Variants in ERI1 observed in about 807,000 individuals in gnomAD.
ERI1 encodes the protein exoribonuclease 1.
Under a neutral mutation model 39.7 loss-of-function variants are expected in ERI1, and 39 were observed. That is an observed-to-expected ratio of 0.98 (90% CI 0.76 to 1.28). The LOEUF (loss-of-function observed/expected upper bound fraction) is 1.28. ERI1 is among the 50% of genes most tolerant of loss of function. ERI1 has a pLI of 0.00. For synonymous variants in ERI1, 204 were observed against 149.6 expected, an observed-to-expected ratio of 1.36 and a Z score of -2.65; for missense variants, 581 against 416.9, an observed-to-expected ratio of 1.39 and a Z score of -3.43.
chr8:9,045,750 C>T (rs893468092), intron 3 of ERI1, among the ~76,000 whole-genome samples: 2 of 149,968 alleles, frequency 1.3e-5, no homozygotes, highest in Admixed American at 6.7e-5. Flanking sequence ...AATCTCGGCT[C>T]ACTGCGACCT....
chr8:9,029,635 T>C (rs1197836424), intron 6 of ERI1, among the ~76,000 whole-genome samples, 157 bp from the exon 7 acceptor site: 1 of 150,296 alleles, frequency 6.7e-6, no homozygotes, highest in Non-Finnish European at 1.5e-5. Context: ...CTGGCCTGAA[T>C]TTTTTATTTG....
intron 3 of ERI1, among the ~76,000 whole-genome samples, chr8:9,056,737 G>T (rs1434849295): frequency 6.6e-6 from 1 of 152,090 alleles, no homozygotes; most frequent in Non-Finnish European, 1.5e-5. Flanking sequence ...GTATTGATTT[G>T]ATAAATACTT....
chr8:9,027,932 A>G (rs374484605), intron 6 of ERI1, among the ~76,000 whole-genome samples: 1 of 152,214 alleles, frequency 6.6e-6, no homozygotes, highest in African/African-American at 2.4e-5. Flanking sequence ...CTACTTGGTC[A>G]TGGCACATAA....
chr8:9,037,187 A>C (rs1196812448), downstream of ERI1, among the ~76,000 whole-genome samples: 1 of 152,222 alleles, frequency 6.6e-6, no homozygotes, highest in African/African-American at 2.4e-5. Context: ...TTGGCATATA[A>C]GAACCTTCAC....
intron 3 of ERI1, among the ~76,000 whole-genome samples, chr8:9,098,245 C>T (rs1269929021): frequency 1.3e-5 from 2 of 151,944 alleles, no homozygotes; most frequent in South Asian, 2.1e-4. Flanking sequence ...ATTGGCCGAG[C>T]GCAGTGGCTC....
At chr8:9,025,693 CTTTT>C (rs35325273) in intron 6 of ERI1, among the ~76,000 whole-genome samples, 2 of 149,704 alleles carry the variant, frequency 1.3e-5, no homozygotes, top group African/African-American at 2.4e-5. Flanking sequence ...TCATTTTAAT[CTTTT>C]TTTTTTGTGT....
chr8:9,062,525 T>C (rs1360166540), intron 3 of ERI1: 1 of 146,574 alleles, frequency 6.8e-6, no homozygotes, highest in South Asian at 2.3e-4. Flanking sequence ...TGGCTGTCAA[T>C]ACTTACAACA....
chr8:9,018,298 A>G lies in ERI1; in HGVS notation c.584A>G (p.Asp195Gly), dbSNP rs765613666. 3.8e-6 allele frequency: 6 copies of G among 1,595,652 alleles called. No individual in the cohort carries two copies. The highest frequency in any genetic ancestry group is 1.1e-5 in the South Asian group (1 of 90,430). Residue 195 changes from aspartate (D) to glycine (G), a missense_variant and splice_region_variant, in exon 5 of 7, where the codon GAT (aspartate) becomes GGT (glycine). Transcript: ENST00000250263. ...TATATTTTACTTTTATATCCTCAGGATCAGGTAGACAGAGCTGATACCTTC... is the reference window on the plus strand; with the variant it reads ...TATATTTTACTTTTATATCCTCAGGGTCAGGTAGACAGAGCTGATACCTTC... ...FCISLTGITQDQVDRADTFPQ... is the reference protein window; with the variant it reads ...FCISLTGITQGQVDRADTFPQ...
chr8:9,074,840 C>G (rs920025729), intron 3 of ERI1, among the ~76,000 whole-genome samples: 3 of 152,232 alleles, frequency 2.0e-5, no homozygotes, highest in African/African-American at 7.2e-5. Flanking sequence ...AGCACATCGT[C>G]CTCTTAGGTT....
chr8:9,007,935 C>CTTTTTTTTTTTTT (rs556702690), intron 1 of ERI1, 35 bp from the exon 2 acceptor site: 1 of 844,334 alleles, frequency 1.2e-6, no homozygotes, highest in African/African-American at 3.1e-5. Flanking sequence ...AAACTACATC[C>CTTTTTTTTTTTTT]TTTTTTTTTT....
chr8:9,015,523 C>T (rs940172237), intron 3 of ERI1, among the ~76,000 whole-genome samples: 2 of 151,810 alleles, frequency 1.3e-5, no homozygotes, highest in Admixed American at 6.6e-5. Context: ...GAGATCGAGA[C>T]CATCCTGGCT....
downstream of ERI1, among the ~76,000 whole-genome samples, chr8:9,034,087 T>G (rs1797757294): frequency 6.6e-6 from 1 of 152,236 alleles, no homozygotes; most frequent in Non-Finnish European, 1.5e-5. Context: ...TGTCTTGAGT[T>G]TATAATGACA....
Position 9,016,952 on chromosome 8 carries a change from G to T in ERI1, c.582+547G>T, listed in dbSNP as rs555938660. 1.2e-4 allele frequency among the ~76,000 whole-genome samples: 18 copies of T among 152,284 alleles called. No homozygotes were observed. The South Asian group carries it at 3.3e-3, about 28-fold the overall frequency. ...CCCGCCTCGGCCTGCCAAAGTGCTG[G>T]GATTACAGACGTGAGCCACCATGCC... On this transcript the variant is annotated intron_variant, in intron 4 of 6. Coordinates refer to ENST00000250263, the MANE Select transcript of ERI1 (RefSeq NM_153332.4).
At chr8:9,088,646 C>G (rs1799608447) in intron 3 of ERI1, 1 of 152,188 alleles carries the variant, frequency 6.6e-6, no homozygotes, top group Admixed American at 6.5e-5. Context: ...GGAGCAATGC[C>G]CATTCAGCCA....
intron 3 of ERI1, among the ~76,000 whole-genome samples, chr8:9,089,229 C>T (rs1261863063): frequency 6.6e-6 from 1 of 152,194 alleles, no homozygotes; most frequent in East Asian, 1.9e-4. Flanking sequence ...ATGATTCTGG[C>T]ATATTCCAGA....
chr8:9,037,900 A>G (rs1024489002), downstream of ERI1, among the ~76,000 whole-genome samples: 3 of 147,168 alleles, frequency 2.0e-5, no homozygotes, highest in African/African-American at 8.1e-5. Flanking sequence ...TTAAAAAAAA[A>G]AAAAAAAAAT....
chr8:9,026,053 A>G (rs1215347717), intron 6 of ERI1, among the ~76,000 whole-genome samples: 2 of 152,168 alleles, frequency 1.3e-5, no homozygotes, highest in African/African-American at 4.8e-5. Flanking sequence ...GATGCTACCA[A>G]TAAGCAATAG....
chr8:9,067,382 ATGTGTGTGTGTG>A (rs10551937), intron 3 of ERI1, among the ~76,000 whole-genome samples: 20 of 143,900 alleles, frequency 1.4e-4, no homozygotes, highest in Non-Finnish European at 2.7e-4. Flanking sequence ...ACCTGTGTGC[ATGTGTGTGTGTG>A]TGTGTGTGTG....
chr8:9,007,268 T>G (rs1311031471), intron 1 of ERI1, among the ~76,000 whole-genome samples: 1 of 152,220 alleles, frequency 6.6e-6, no homozygotes, highest in Non-Finnish European at 1.5e-5. Context: ...TTAAATACAT[T>G]TCCTTCTTTG....
Sources: allele counts gnomAD v4.1 joint callset (sites outside exome capture counted in the v4.1 genomes callset), GRCh38; gene constraint gnomAD v4.1.1; transcripts MANE v1.5; gene names NCBI Gene and HGNC (gene_info 2026-07-23, HGNC 2026-07-21).